The following EFR3B variants were observed in gnomAD, a reference collection of about 807,000 sequenced individuals.
The protein encoded by EFR3B is EFR3 homolog B.
EFR3B carries 64 observed loss-of-function variants against 104.7 expected under a neutral mutation model. That is an observed-to-expected ratio of 0.61 (90% CI 0.50 to 0.75). The LOEUF (loss-of-function observed/expected upper bound fraction) is 0.75. Ranked by LOEUF, EFR3B falls within the 30% of genes least tolerant of loss-of-function variation. The pLI, the probability that EFR3B is intolerant of heterozygous loss-of-function variation, is 0.00. For missense variants in EFR3B, 750 were observed against 1,078.5 expected (o/e 0.70, Z 4.27); for synonymous variants, 385 against 417.9 (o/e 0.92, Z 0.96).
In EFR3B at chr2:25,137,286, G is replaced by C. The variant is rs1670541892; in HGVS notation, c.1561-55G>C. On this transcript the variant is annotated intron_variant, in intron 14 of 22. Transcript: ENST00000403714. This position sits in a 1 kb window ranked among gnomAD's most constrained non-coding sequence, Gnocchi z 4.7. Reference sequence around the variant, plus strand: ...ATTGGTCTTCCTCCGTGTTCTCCTTGCCCCTCCTGTCCCCATCCCTCCGAC... The same window carrying C: ...ATTGGTCTTCCTCCGTGTTCTCCTTCCCCCTCCTGTCCCCATCCCTCCGAC... The C allele has an allele frequency of 2.6e-6, 4 of 1,539,036 alleles. No individual in the cohort carries two copies. In the Admixed American group the frequency reaches 7.9e-5, roughly 30 times the overall value.
chr2:25,151,837 A>G (rs1408379230), intron 20 of EFR3B, 77 bp from the exon 21 acceptor site: 1 of 1,471,368 alleles, frequency 6.8e-7, no homozygotes, highest in Non-Finnish European at 9.3e-7. Flanking sequence ...ATGCTCATGG[A>G]CAGTGCTCCC....
intron 17 of EFR3B, among the ~76,000 whole-genome samples, chr2:25,143,454 T>C (rs1447368197): frequency 6.7e-6 from 1 of 150,024 alleles, no homozygotes; most frequent in Non-Finnish European, 1.5e-5. Flanking sequence ...AGGTCAGGAG[T>C]TCAAGACCAG....
Position 25,136,482 on chromosome 2 carries a change from C to A in EFR3B, c.1485-41C>A, listed in dbSNP as rs1256329349. On this transcript the variant is annotated intron_variant, in intron 13 of 22. Transcript: ENST00000403714. The surrounding 1 kb of genome is among the most constrained non-coding windows in gnomAD (Gnocchi z 4.0). ...TGACCCCGTGTGAGCTCAGGCTGGC[C>A]TCATGCAAGGGCTAAGGAGGCCCTT... is the stretch of plus-strand genomic sequence containing the variant. The A allele has an allele frequency of 6.6e-7, 1 of 1,519,564 alleles. No homozygotes were observed. The highest frequency in any genetic ancestry group is 1.2e-5 in the South Asian group (1 of 83,434). The allele number at this position is 1,519,564 out of a possible 1,614,324, so 94.1% of individuals were successfully genotyped here.
At position 25,137,146 on chromosome 2, in the gene EFR3B, C is replaced by G. The variant is rs1670536790; in HGVS notation, c.1561-195C>G. On this transcript the variant is annotated intron_variant, in intron 14 of 22. Coordinates refer to ENST00000403714, the MANE Select transcript of EFR3B (RefSeq NM_014971.2). The surrounding 1 kb of genome is among the most constrained non-coding windows in gnomAD (Gnocchi z 4.7). ...GCTTCTGGTGCTGGTTTCACTGGAG[C>G]CCATCCTTCCCTACGTGAGCCTTCC... Among the ~76,000 whole-genome samples the G allele has an allele frequency of 6.6e-6, 1 of 152,132 alleles. No homozygotes were observed. Among genetic ancestry groups the G allele is most frequent in the African/African-American group, 2.4e-5 (1 of 41,408 alleles).
chr2:25,130,146 C>T lies in EFR3B; in HGVS notation c.770+37C>T. The T allele has an allele frequency of 1.9e-6, 3 of 1,551,338 alleles. No individual in the cohort carries two copies. The highest frequency in any genetic ancestry group is 1.7e-6 in the Non-Finnish European group (2 of 1,146,638). On this transcript the variant is annotated intron_variant, in intron 7 of 22. Coordinates refer to ENST00000403714, the MANE Select transcript of EFR3B (RefSeq NM_014971.2). This position sits in a 1 kb window ranked among gnomAD's most constrained non-coding sequence, Gnocchi z 4.6. The stretch of plus-strand genomic sequence containing the variant: ...CACCCACTGCCTTGGCCCCAGCCTT[C>T]AGCCTGGATGTGTTTCAGGTCCCTG...
chr2:25,051,044 C>G (rs1278702759), intron 1 of EFR3B, among the ~76,000 whole-genome samples: 2 of 152,162 alleles, frequency 1.3e-5, no homozygotes, highest in African/African-American at 4.8e-5. Flanking sequence ...TGGCCCTGCT[C>G]TCAGCTGCCT....
At position 25,136,487 on chromosome 2, in the gene EFR3B, G is replaced by A; in HGVS notation, c.1485-36G>A. ...CCGTGTGAGCTCAGGCTGGCCTCATGCAAGGGCTAAGGAGGCCCTTTGCAT... is the reference window on the plus strand; with the variant it reads ...CCGTGTGAGCTCAGGCTGGCCTCATACAAGGGCTAAGGAGGCCCTTTGCAT... On this transcript the variant is annotated intron_variant, in intron 13 of 22. Transcript: ENST00000403714. The surrounding 1 kb of genome is among the most constrained non-coding windows in gnomAD (Gnocchi z 4.0). The A allele has an allele frequency of 6.5e-7, 1 of 1,530,444 alleles. No individual in the cohort carries two copies. The highest frequency in any genetic ancestry group is 8.9e-7 in the Non-Finnish European group (1 of 1,128,456). 94.8% of individuals were successfully genotyped at this position (1,530,444 alleles called of 1,614,324 possible).
chr2:25,152,111 G>C, intron 21 of EFR3B, 91 bp downstream of exon 21: 1 of 1,325,100 alleles, frequency 7.5e-7, no homozygotes. Flanking sequence ...GGAGATCTTG[G>C]CTCTTTGACC....
chr2:25,046,561 G>A (rs1667723945), intron 1 of EFR3B, among the ~76,000 whole-genome samples: 2 of 142,656 alleles, frequency 1.4e-5, no homozygotes, highest in African/African-American at 5.0e-5. Flanking sequence ...GGAGTGCAGT[G>A]GCGCGATCTC....
intron 1 of EFR3B, among the ~76,000 whole-genome samples, chr2:25,073,295 T>C (rs1668545145): frequency 6.6e-6 from 1 of 151,960 alleles, no homozygotes; most frequent in African/African-American, 2.4e-5. Context: ...TTTGCTGTAT[T>C]CCAAGGCGTG....
At position 25,133,448 on chromosome 2, in the gene EFR3B, A is replaced by G. The variant is rs1286687115; in HGVS notation, c.1311+14A>G. 1 of 1,552,300 alleles carries G rather than the reference A, an allele frequency of 6.4e-7. No individual in the cohort carries two copies. The highest frequency in any genetic ancestry group is 8.7e-7 in the Non-Finnish European group (1 of 1,147,092). ...TCCCTCCTGCAGGTGAGCCCCATCT[A>G]TCCCCATTCCTGCTCTTCCTCTGCA... On this transcript the variant is annotated intron_variant, in intron 12 of 22. Transcript: ENST00000403714.
At chr2:25,081,384 G>T in intron 1 of EFR3B, 1 of 1,077,076 alleles carries the variant, frequency 9.3e-7, no homozygotes, top group Admixed American at 1.9e-5. Context: ...CATAGTTACA[G>T]TTTATCCTGC....
intron 4 of EFR3B, among the ~76,000 whole-genome samples, chr2:25,111,190 A>G (rs1435001284): frequency 6.6e-6 from 1 of 152,220 alleles, no homozygotes; most frequent in Non-Finnish European, 1.5e-5. Context: ...CCACCTTTAC[A>G]GATGCCAAGT....
In EFR3B at chr2:25,145,069, C is replaced by A. The variant is rs750796289; in HGVS notation, c.2142+18C>A. On this transcript the variant is annotated intron_variant, in intron 19 of 22. Coordinates refer to ENST00000403714, the MANE Select transcript of EFR3B (RefSeq NM_014971.2). ...AGGAGGAGGTGAGTGTCCGTGCCAC[C>A]GTCCTGGGGCAGCCCCACCTCCTGT... is the stretch of plus-strand genomic sequence containing the variant. The A allele has an allele frequency of 7.1e-6, 11 of 1,550,494 alleles. No homozygotes were observed. The highest frequency in any genetic ancestry group is 9.6e-6 in the Non-Finnish European group (11 of 1,145,834).
chr2:25,094,279 T>G (rs1164507926), intron 3 of EFR3B, among the ~76,000 whole-genome samples: 3 of 27,180 alleles, frequency 1.1e-4, no homozygotes, highest in Admixed American at 5.1e-4. Context: ...ATTGAGACTG[T>G]CTCAAAAAAA....
intron 1 of EFR3B, chr2:25,081,561 G>A (rs748253691): frequency 4.1e-4 from 384 of 934,618 alleles, no homozygotes; most frequent in Middle Eastern, 1.4e-3. Context: ...GCTGTACTTG[G>A]AGTCCATGGT....
intron 12 of EFR3B, among the ~76,000 whole-genome samples, chr2:25,134,784 T>C (rs1670475518): frequency 2.0e-5 from 3 of 152,194 alleles, no homozygotes. Context: ...CATTAATTTG[T>C]ACCCAGCATT....
At chr2:25,141,509 A>T (rs1573234049) in intron 17 of EFR3B, 76 bp downstream of exon 17, 1 of 1,476,122 alleles carries the variant, frequency 6.8e-7, no homozygotes, top group African/African-American at 1.4e-5. Context: ...TGAGGTCAGG[A>T]GGGGTCAATG....
Position 25,042,749 on chromosome 2 carries a change from A to G in EFR3B, c.7+430A>G, listed in dbSNP as rs1175334045. The G allele has an allele frequency of 4.1e-6, 4 of 970,708 alleles. No individual in the cohort carries two copies. The highest frequency in any genetic ancestry group is 4.9e-6 in the Non-Finnish European group (4 of 815,790). 60.1% of individuals were successfully genotyped at this position (970,708 alleles called of 1,614,324 possible). On this transcript the variant is annotated intron_variant, in intron 1 of 22. Coordinates refer to ENST00000403714, the MANE Select transcript of EFR3B (RefSeq NM_014971.2). The surrounding 1 kb of genome is among the most constrained non-coding windows in gnomAD (Gnocchi z 5.4). Reference sequence around the variant, plus strand: ...GGCCGGTCGTCTGCGCGGCTCGGAGAAGGCGGGAGGCGGCGCCGGCGGCGC... The same window carrying G: ...GGCCGGTCGTCTGCGCGGCTCGGAGGAGGCGGGAGGCGGCGCCGGCGGCGC...
Sources: gnomAD v4.1 joint callset for allele counts (sites outside exome capture counted in the v4.1 genomes callset) on GRCh38, gnomAD v4.1.1 for gene constraint, Gnocchi (gnomAD v3.1) non-coding constraint, MANE v1.5 for transcripts, NCBI Gene and HGNC (gene_info 2026-07-23, HGNC 2026-07-21) for gene names.